Variants in SYTL1 observed in about 807,000 individuals in gnomAD.
SYTL1 encodes the protein synaptotagmin-like protein 1.
Under a neutral mutation model 74.6 loss-of-function variants are expected in SYTL1, and 53 were observed. That is an observed-to-expected ratio of 0.71 (90% CI 0.57 to 0.89). SYTL1 has a LOEUF of 0.89. Ranked by LOEUF, SYTL1 falls within the 40% of genes least tolerant of loss-of-function variation. SYTL1 has a pLI of 0.00. For synonymous variants in SYTL1, 329 were observed against 324.9 expected, an observed-to-expected ratio of 1.01 and a Z score of -0.14; for missense variants, 728 against 768.7, an observed-to-expected ratio of 0.95 and a Z score of 0.63.
intron 1 of SYTL1, among the ~76,000 whole-genome samples, chr1:27,344,076 A>G (rs181567158): frequency 1.2e-3 from 182 of 152,124 alleles, no homozygotes; most frequent in African/African-American, 4.2e-3. Flanking sequence ...AATTACAGGC[A>G]TGTACCACCA....
intron 1 of SYTL1, chr1:27,344,842 C>CAAAAAAAAAA (rs35304590): frequency 2.2e-5 from 1 of 45,220 alleles, no homozygotes; most frequent in African/African-American, 9.2e-5. Context: ...CAAGACTCCT[C>CAAAAAAAAAA]AAAAAAAAAA....
Position 27,348,022 on chromosome 1 carries a change from T to TG in SYTL1, c.459+11dup. 1 of 1,613,652 alleles carries TG rather than the reference T, an allele frequency of 6.2e-7. No individual in the cohort carries two copies. Among genetic ancestry groups the TG allele is most frequent in the South Asian group, 1.1e-5 (1 of 91,076 alleles). On this transcript the variant is annotated intron_variant, in intron 5 of 14. Coordinates refer to ENST00000616558, the MANE Select transcript of SYTL1 (RefSeq NM_001193308.2). The surrounding 1 kb of genome is among the most constrained non-coding windows in gnomAD (Gnocchi z 4.1). The stretch of plus-strand genomic sequence containing the variant: ...GCTCAGGGAGACTGAGGTAAGTGAA[T>TG]GAGCCAACATGTGAGTACAGTGTCC...
chr1:27,349,885 T>A, intron 8 of SYTL1, 87 bp from the exon 9 acceptor site: 1 of 1,537,896 alleles, frequency 6.5e-7, no homozygotes, highest in Non-Finnish European at 8.7e-7. Context: ...CTGCCACCTA[T>A]GACCCGGGTC....
Position 27,345,308 on chromosome 1 carries a change from TGCCCAGCTGGGGCACA to T in SYTL1, c.-22_-7del. On this transcript the variant is annotated 5_prime_UTR_variant, in exon 2 of 15. Transcript: ENST00000616558. This position sits in a 1 kb window ranked among gnomAD's most constrained non-coding sequence, Gnocchi z 6.0. ...CGGTCTGCCCCCAGGAAGCTCCGTG[TGCCCAGCTGGGGCACA>T]GCCCCAGCTGATGCCCCAGAGGGGC... is the stretch of plus-strand genomic sequence containing the variant. 10 of 1,449,020 alleles carry T rather than the reference TGCCCAGCTGGGGCACA, an allele frequency of 6.9e-6. No individual in the cohort carries two copies. Among genetic ancestry groups the T allele is most frequent in the Non-Finnish European group, 9.1e-6 (10 of 1,099,410 alleles). The allele number at this position is 1,449,020 out of a possible 1,614,324, so 89.8% of individuals were successfully genotyped here.
chr1:27,348,051 G>A lies in SYTL1; in HGVS notation c.459+39G>A. The A allele has an allele frequency of 6.2e-7, 1 of 1,604,608 alleles. No homozygotes were observed. The highest frequency in any genetic ancestry group is 1.7e-4 in the Middle Eastern group (1 of 6,022). On this transcript the variant is annotated intron_variant, in intron 5 of 14. Coordinates refer to ENST00000616558, the MANE Select transcript of SYTL1 (RefSeq NM_001193308.2). This position sits in a 1 kb window ranked among gnomAD's most constrained non-coding sequence, Gnocchi z 4.1. ...CCAACATGTGAGTACAGTGTCCCTG[G>A]AGGGGAGGTGGAATGTGCAGGGGGC...
rs1212673695 is a variant in SYTL1, at chr1:27,349,765, G to T, written c.747G>T (p.Thr249=). Reference sequence around the variant, plus strand: ...CGGTGTCCAGCCTTAACTCCTCCACGGTGAGGCGGGAGGGAGGGGACCCGG... The same window carrying T: ...CGGTGTCCAGCCTTAACTCCTCCACTGTGAGGCGGGAGGGAGGGGACCCGG... ...SSSVSSLNSS[T]LSGSQMSLSG... The change falls in exon 8 of 15, where the codon ACG becomes ACT. Residue 249 remains threonine (T), a splice_region_variant and synonymous_variant. Transcript: ENST00000616558. 1 of 1,595,856 alleles carries T rather than the reference G, an allele frequency of 6.3e-7. No individual in the cohort carries two copies. The highest frequency in any genetic ancestry group is 8.5e-7 in the Non-Finnish European group (1 of 1,176,158).
In SYTL1 at chr1:27,350,214, T is replaced by A. The variant is rs1415418371; in HGVS notation, c.908+82T>A. ...CAGGGTCTCGGCCTCCTCGTCCTCATCTTCAAAATGGGAACAACAGCGTTA... is the reference window on the plus strand; with the variant it reads ...CAGGGTCTCGGCCTCCTCGTCCTCAACTTCAAAATGGGAACAACAGCGTTA... On this transcript the variant is annotated intron_variant, in intron 9 of 14. Coordinates refer to ENST00000616558, the MANE Select transcript of SYTL1 (RefSeq NM_001193308.2). This position sits in a 1 kb window ranked among gnomAD's most constrained non-coding sequence, Gnocchi z 6.3. 6.1e-6 allele frequency: 9 copies of A among 1,482,196 alleles called. No homozygotes were observed. The highest frequency in any genetic ancestry group is 3.5e-4 in the Middle Eastern group (2 of 5,748). The allele number at this position is 1,482,196 out of a possible 1,614,324, so 91.8% of individuals were successfully genotyped here. A position where few individuals can be genotyped will look rare whatever the true frequency, so the allele number is the denominator to read the frequency against.
rs979609095 is a variant in SYTL1 at position 27,348,300 on chromosome 1, G to A, written c.459+288G>A. Reference sequence around the variant, plus strand: ...TAAGGGGTGAAGTGGGGCCAGGCACGGTGGCTCATGCCTGTAATCCCAGCA... The same window carrying A: ...TAAGGGGTGAAGTGGGGCCAGGCACAGTGGCTCATGCCTGTAATCCCAGCA... On this transcript the variant is annotated intron_variant, in intron 5 of 14. Transcript: ENST00000616558. This position sits in a 1 kb window ranked among gnomAD's most constrained non-coding sequence, Gnocchi z 4.1. Among the ~76,000 whole-genome samples, 25 of 152,080 alleles carry A rather than the reference G, an allele frequency of 1.6e-4. No individual in the cohort carries two copies. The highest frequency in any genetic ancestry group is 1.1e-3 in the Admixed American group (17 of 15,258).
intron 13 of SYTL1, chr1:27,352,974 T>TG: frequency 3.0e-6 from 1 of 336,694 alleles, no homozygotes; most frequent in East Asian, 6.6e-5. Flanking sequence ...TTAGTAGAGA[T>TG]GGGGTTTCAC....
Position 27,351,370 on chromosome 1 carries a change from G to T in SYTL1, c.1243+34G>T. The stretch of plus-strand genomic sequence containing the variant: ...CAGCCGGAGAGGCCAAGCTGGACAC[G>T]CCCTGAAAAGCGGGAGACTCCAGTC... On this transcript the variant is annotated intron_variant, in intron 12 of 14. Transcript: ENST00000616558. This position sits in a 1 kb window ranked among gnomAD's most constrained non-coding sequence, Gnocchi z 5.0. 1 of 1,518,612 alleles carries T rather than the reference G, an allele frequency of 6.6e-7. No homozygotes were observed. Among genetic ancestry groups the T allele is most frequent in the Non-Finnish European group, 8.9e-7 (1 of 1,129,402 alleles). The allele number at this position is 1,518,612 out of a possible 1,614,324, so 94.1% of individuals were successfully genotyped here. A position where few individuals can be genotyped will look rare whatever the true frequency, so the allele number is the denominator to read the frequency against.
chr1:27,349,891 G>A (rs2015177513), intron 8 of SYTL1, 81 bp from the exon 9 acceptor site: 4 of 1,539,522 alleles, frequency 2.6e-6, no homozygotes, highest in Admixed American at 3.9e-5. Context: ...CCTATGACCC[G>A]GGTCTGAAGC....
chr1:27,344,661 C>T (rs1338846919), intron 1 of SYTL1, among the ~76,000 whole-genome samples: 3 of 150,584 alleles, frequency 2.0e-5, no homozygotes, highest in Non-Finnish European at 3.0e-5. Context: ...GCCAGCCTGG[C>T]CAACATGGTC....
chr1:27,345,176 G>T lies in SYTL1; in HGVS notation c.-38-121G>T. 1 of 545,570 alleles carries T rather than the reference G, an allele frequency of 1.8e-6. No homozygotes were observed. The highest frequency in any genetic ancestry group is 3.2e-6 in the Non-Finnish European group (1 of 314,146). The allele number at this position is 545,570 out of a possible 1,614,324, so 33.8% of individuals were successfully genotyped here. A position where few individuals can be genotyped will look rare whatever the true frequency, so the allele number is the denominator to read the frequency against. On this transcript the variant is annotated intron_variant, in intron 1 of 14. Transcript: ENST00000616558. This position sits in a 1 kb window ranked among gnomAD's most constrained non-coding sequence, Gnocchi z 6.0. ...TGTCTCTCACCCCACCTTGAGCTCAGCCATCCTGGGGTGGCACCCTACCCA... is the reference window on the plus strand; with the variant it reads ...TGTCTCTCACCCCACCTTGAGCTCATCCATCCTGGGGTGGCACCCTACCCA...
chr1:27,349,784 G>T lies in SYTL1; in HGVS notation c.747+19G>T. On this transcript the variant is annotated intron_variant, in intron 8 of 14. Coordinates refer to ENST00000616558, the MANE Select transcript of SYTL1 (RefSeq NM_001193308.2). The stretch of plus-strand genomic sequence containing the variant: ...CTCCACGGTGAGGCGGGAGGGAGGG[G>T]ACCCGGGCGGCCGGGGGGTGGACCC... 2 of 1,579,316 alleles carry T rather than the reference G, an allele frequency of 1.3e-6. No homozygotes were observed. The highest frequency in any genetic ancestry group is 2.3e-5 in the East Asian group (1 of 43,402).
In SYTL1 at chr1:27,351,278, C is replaced by A; in HGVS notation, c.1185C>A (p.Asp395Glu). ...LQPRVPPSPD[D>E]LPSRGLLALS... ...CGCAGGTCCCACCCTCTCCCGACGA[C>A]CTTCCGAGCCGCGGGTTACTCGCCC... The change falls in exon 12 of 15, where the codon GAC (aspartate) becomes GAA (glutamate). Residue 395 changes from aspartate (D) to glutamate (E), a missense_variant. Physicochemically the swap from Asp to Glu is conservative, Grantham distance 45. Transcript: ENST00000616558. This position sits in a 1 kb window ranked among gnomAD's most constrained non-coding sequence, Gnocchi z 5.0. 1 of 1,561,084 alleles carries A rather than the reference C, an allele frequency of 6.4e-7. No homozygotes were observed. Among genetic ancestry groups the A allele is most frequent in the Non-Finnish European group, 8.7e-7 (1 of 1,153,678 alleles).
chr1:27,350,622 G>A lies in SYTL1; in HGVS notation c.1005+137G>A. The stretch of plus-strand genomic sequence containing the variant: ...GGGGCCCATTAACTCGTTATCCAGT[G>A]TTGTCAGCCTCGTGGTGGGCGTGGT... On this transcript the variant is annotated intron_variant, in intron 10 of 14. Transcript: ENST00000616558. The surrounding 1 kb of genome is among the most constrained non-coding windows in gnomAD (Gnocchi z 6.3). 9.5e-7 allele frequency: 1 copy of A among 1,056,172 alleles called. No individual in the cohort carries two copies. Among genetic ancestry groups the A allele is most frequent in the South Asian group, 1.5e-5 (1 of 67,446 alleles). The allele number at this position is 1,056,172 out of a possible 1,614,324, so 65.4% of individuals were successfully genotyped here.
chr1:27,348,081 G>A lies in SYTL1; in HGVS notation c.459+69G>A, dbSNP rs1048273161. 2.1e-5 allele frequency: 32 copies of A among 1,502,718 alleles called. No individual in the cohort carries two copies. Among genetic ancestry groups the A allele is most frequent in the Non-Finnish European group, 2.8e-5 (30 of 1,079,608 alleles). 93.1% of individuals were successfully genotyped at this position (1,502,718 alleles called of 1,614,324 possible). A position where few individuals can be genotyped will look rare whatever the true frequency, so the allele number is the denominator to read the frequency against. On this transcript the variant is annotated intron_variant, in intron 5 of 14. Coordinates refer to ENST00000616558, the MANE Select transcript of SYTL1 (RefSeq NM_001193308.2). This position sits in a 1 kb window ranked among gnomAD's most constrained non-coding sequence, Gnocchi z 4.1. ...GAGGTGGAATGTGCAGGGGGCAGGGGGGAAAGAGCCCCAGCCTGGGAATGG... is the reference window on the plus strand; with the variant it reads ...GAGGTGGAATGTGCAGGGGGCAGGGAGGAAAGAGCCCCAGCCTGGGAATGG...
At position 27,350,812 on chromosome 1, in the gene SYTL1, G is replaced by A. The variant is rs763118718; in HGVS notation, c.1024G>A (p.Glu342Lys). ...TCCTCAGTACTCCGTCCCGCAGGCC[G>A]AGCTTCAGGGCCGCGTGCTGAGCCT... ...ETLRYSVPQA[E>K]LQGRVLSLSV... is the part of the protein sequence containing the mutation. The change falls in exon 11 of 15, where the codon GAG (glutamate) becomes AAG (lysine). Residue 342 changes from glutamate (E) to lysine (K), a missense_variant. By Grantham distance (56) the Glu-to-Lys change is moderately conservative (BLOSUM62 1). Coordinates refer to ENST00000616558, the MANE Select transcript of SYTL1 (RefSeq NM_001193308.2). The surrounding 1 kb of genome is among the most constrained non-coding windows in gnomAD (Gnocchi z 6.3). 49 of 1,613,658 alleles carry A rather than the reference G, an allele frequency of 3.0e-5. No homozygotes were observed. The highest frequency in any genetic ancestry group is 4.1e-5 in the Non-Finnish European group (48 of 1,180,040).
rs370089866 is a variant in SYTL1 at position 27,349,556 on chromosome 1, G to C, written c.633+58G>C. The stretch of plus-strand genomic sequence containing the variant: ...ATCCGGAGCGGACTCCGGGCGGGGA[G>C]CGCTCCTGCCCAGGGCTGCGAGCCG... On this transcript the variant is annotated intron_variant, in intron 7 of 14. Coordinates refer to ENST00000616558, the MANE Select transcript of SYTL1 (RefSeq NM_001193308.2). The C allele has an allele frequency of 4.2e-4, 617 of 1,474,572 alleles. 10 individuals are homozygous for C. In the South Asian group the frequency reaches 5.6e-3, roughly 13 times the overall value. 91.3% of individuals were successfully genotyped at this position (1,474,572 alleles called of 1,614,324 possible).
Sources: gnomAD v4.1 joint callset for allele counts (sites outside exome capture counted in the v4.1 genomes callset) on GRCh38, gnomAD v4.1.1 for gene constraint, Gnocchi (gnomAD v3.1) non-coding constraint, MANE v1.5 for transcripts, NCBI Gene and HGNC (gene_info 2026-07-23, HGNC 2026-07-21) for gene names.